The following ARNT variants were observed in gnomAD, a reference collection of about 807,000 sequenced individuals.
The protein encoded by ARNT is class E basic helix-loop-helix protein 2.
A neutral mutation model predicts 105.0 loss-of-function variants in ARNT; 30 were observed. That is an observed-to-expected ratio of 0.29 (90% CI 0.21 to 0.39). The LOEUF (loss-of-function observed/expected upper bound fraction) is 0.39, where lower values mean the gene tolerates loss of function less well. Among genes scored for constraint, ARNT ranks in the 10% least tolerant of loss-of-function variants. ARNT has a pLI of 1.00. For synonymous variants in ARNT, 304 were observed against 344.0 expected (o/e 0.88, Z 1.29); for missense variants, 748 against 978.7 (o/e 0.76, Z 3.15).
intron 15 of ARNT, 31 bp from the exon 16 acceptor site, chr1:150,817,464 A>G: frequency 6.2e-7 from 1 of 1,606,222 alleles, no homozygotes. Context: ...GACAAGACAA[A>G]TAGAAAAAAA....
chr1:150,851,274 G>C (rs587664378), intron 3 of ARNT, among the ~76,000 whole-genome samples: 38 of 150,156 alleles, frequency 2.5e-4, no homozygotes, highest in Admixed American at 1.4e-3. Flanking sequence ...CGCCCCGTCC[G>C]GGAGGTGGGG....
chr1:150,821,833 T>C (rs1477295651), intron 14 of ARNT, among the ~76,000 whole-genome samples: 6 of 64,136 alleles, frequency 9.4e-5, no homozygotes, highest in East Asian at 5.3e-4. Flanking sequence ...ATTTTCTTTT[T>C]TTTTTTTTTT....
At position 150,809,767 on chromosome 1, in the gene ARNT, G is replaced by T; in HGVS notation, c.*2254C>A. 1 of 216,668 alleles carries T rather than the reference G, an allele frequency of 4.6e-6. No individual in the cohort carries two copies. The allele number at this position is 216,668 out of a possible 1,614,324, so 13.4% of individuals were successfully genotyped here. On this transcript the variant is annotated 3_prime_UTR_variant, in exon 22 of 22. Coordinates refer to ENST00000358595, the MANE Select transcript of ARNT (RefSeq NM_001668.4). ...AGGACATACTGGGGGAAGGCATCCA[G>T]ATGTGCCCTAGTGGTTTTCAAGTCC...
At chr1:150,872,480 G>C (rs1325684699) in intron 1 of ARNT, among the ~76,000 whole-genome samples, 1 of 152,088 alleles carries the variant, frequency 6.6e-6, no homozygotes, top group Non-Finnish European at 1.5e-5. Flanking sequence ...ACAGTAACTT[G>C]TACATAATAG....
chr1:150,823,620 T>A (rs1045496571), intron 13 of ARNT, among the ~76,000 whole-genome samples: 4 of 150,822 alleles, frequency 2.7e-5, no homozygotes, highest in Non-Finnish European at 5.9e-5. Context: ...GCACGATCTC[T>A]GCTCACTGCA....
At chr1:150,871,385 C>T (rs1054196223) in intron 1 of ARNT, among the ~76,000 whole-genome samples, 18 of 150,376 alleles carry the variant, frequency 1.2e-4, no homozygotes, top group Non-Finnish European at 1.9e-4. Context: ...ACTGCAACCA[C>T]CACCTTCCAG....
chr1:150,825,022 C>T (rs1018366218), intron 13 of ARNT, among the ~76,000 whole-genome samples: 3 of 151,928 alleles, frequency 2.0e-5, no homozygotes, highest in Admixed American at 6.6e-5. Context: ...CCACCATACC[C>T]GGCTAATTTT....
At chr1:150,864,188 G>A (rs1225306415) in intron 1 of ARNT, among the ~76,000 whole-genome samples, 1 of 152,110 alleles carries the variant, frequency 6.6e-6, no homozygotes, top group African/African-American at 2.4e-5. Flanking sequence ...AATGTGTTGT[G>A]CTAAGACCTT....
chr1:150,814,555 C>A (rs587713109), intron 19 of ARNT, among the ~76,000 whole-genome samples: 1 of 152,230 alleles, frequency 6.6e-6, no homozygotes, highest in South Asian at 2.1e-4. Flanking sequence ...TATATGCAGG[C>A]CAGGCGGGGT....
At position 150,818,045 on chromosome 1, in the gene ARNT, T is replaced by C. The variant is rs371321537; in HGVS notation, c.1395-15A>G. 1.3e-6 allele frequency: 2 copies of C among 1,485,958 alleles called. No homozygotes were observed. Among genetic ancestry groups the C allele is most frequent in the Non-Finnish European group, 9.1e-7 (1 of 1,103,878 alleles). The allele number at this position is 1,485,958 out of a possible 1,614,324, so 92.0% of individuals were successfully genotyped here. On this transcript the variant is annotated splice_polypyrimidine_tract_variant and intron_variant, in intron 14 of 21. Coordinates refer to ENST00000358595, the MANE Select transcript of ARNT (RefSeq NM_001668.4). ...GGCTAGAGTTCCTAGGAAACCAGAG[T>C]AGACAGTAAAGAGGGGGTGGAGAGG...
intron 2 of ARNT, among the ~76,000 whole-genome samples, chr1:150,857,742 T>C (rs1249638255): frequency 6.6e-6 from 1 of 152,198 alleles, no homozygotes; most frequent in Non-Finnish European, 1.5e-5. Flanking sequence ...TAGTATCAAA[T>C]TTGTTCCTAA....
At chr1:150,852,672 C>T in intron 3 of ARNT, 90 bp downstream of exon 3, 1 of 1,282,502 alleles carries the variant, frequency 7.8e-7, no homozygotes, top group African/African-American at 1.5e-5. Context: ...CTCCTTAGAC[C>T]TAAGGACAAA....
chr1:150,873,537 A>G (rs954610726), intron 1 of ARNT, among the ~76,000 whole-genome samples: 7 of 152,174 alleles, frequency 4.6e-5, no homozygotes, highest in African/African-American at 1.4e-4. Flanking sequence ...GCAGCACCAC[A>G]GTGAAAAATG....
At chr1:150,868,939 G>C (rs587598874) in intron 1 of ARNT, among the ~76,000 whole-genome samples, 3 of 151,658 alleles carry the variant, frequency 2.0e-5, no homozygotes, top group South Asian at 2.1e-4. Flanking sequence ...GACCAGCCTG[G>C]GCAACATAGC....
rs756996050 is a variant in ARNT, at chr1:150,860,218, C to CTTTT, written c.26-1762_26-1759dup. 1.2e-4 allele frequency among the ~76,000 whole-genome samples: 14 copies of CTTTT among 113,016 alleles called. 2 individuals carry two copies. The East Asian group carries it at 1.6e-3, about 13-fold the overall frequency. The allele number at this position is 113,016 out of a possible 152,430, so 74.1% of individuals were successfully genotyped here. ...CCCATGGAATAGAAAAAAAAAAATTCTTTTTTTTTTTTTTTGAGTTAGAGT... is the reference window on the plus strand; with the variant it reads ...CCCATGGAATAGAAAAAAAAAAATTCTTTTTTTTTTTTTTTTTTTGAGTTAGAGT... On this transcript the variant is annotated intron_variant, in intron 1 of 21. Coordinates refer to ENST00000358595, the MANE Select transcript of ARNT (RefSeq NM_001668.4).
intron 2 of ARNT, 128 bp downstream of exon 2, chr1:150,858,221 G>A (rs1178291092): frequency 3.0e-6 from 2 of 661,164 alleles, no homozygotes; most frequent in African/African-American, 3.6e-5. Context: ...TATGACAGTA[G>A]TGTAGTAAGT....
intron 1 of ARNT, among the ~76,000 whole-genome samples, chr1:150,874,579 C>T (rs1040328937): frequency 6.6e-6 from 1 of 151,924 alleles, no homozygotes; most frequent in Non-Finnish European, 1.5e-5. Context: ...CCCAGCTATT[C>T]GGGAGGCTGA....
chr1:150,863,050 C>CAAAA (rs143880940), intron 1 of ARNT, among the ~76,000 whole-genome samples: 1 of 59,738 alleles, frequency 1.7e-5, no homozygotes, highest in African/African-American at 6.7e-5. Flanking sequence ...GATTCCGTCT[C>CAAAA]AAAAAAAAAA....
chr1:150,836,297 G>A lies in ARNT; in HGVS notation c.683C>T (p.Ser228Leu). 1.2e-6 allele frequency: 2 copies of A among 1,614,026 alleles called. No individual in the cohort carries two copies. Among genetic ancestry groups the A allele is most frequent in the East Asian group, 2.2e-5 (1 of 44,866 alleles). Residue 228 changes from serine (S) to leucine (L), a missense_variant, in exon 7 of 22, where the codon TCA becomes TTA. Ser to Leu is a moderately radical substitution (Grantham distance 145). Around this residue, in one of 4 missense-constraint regions of ARNT, gnomAD observed 291 missense variants for 444.6 expected, o/e 0.65. Transcript: ENST00000358595. ...VDKLREQLST[S>L]ENALTGRILD... ...ACTCTCACCTGTCAGGGCATTTTCT[G>A]AAGTGGAAAGCTGCTCACGAAGTTT...
Sources: gnomAD v4.1 joint callset for allele counts (sites outside exome capture counted in the v4.1 genomes callset) on GRCh38, gnomAD v4.1.1 for gene constraint, gnomAD v4.1.1 regional missense constraint, MANE v1.5 for transcripts, NCBI Gene and HGNC (gene_info 2026-07-23, HGNC 2026-07-21) for gene names.